CRTAC1: variants seen among roughly 807,000 people sequenced by gnomAD.
CRTAC1 encodes cartilage acidic protein 1.
CRTAC1 carries 37 observed loss-of-function variants against 67.8 expected under a neutral mutation model. The observed-to-expected ratio is 0.55, with a 90% confidence interval of 0.42 to 0.72. The LOEUF (loss-of-function observed/expected upper bound fraction) is 0.72, where lower values mean the gene tolerates loss of function less well. Among genes scored for constraint, CRTAC1 ranks in the 30% least tolerant of loss-of-function variants. The pLI is 0.00. For synonymous variants in CRTAC1, 348 were observed against 371.0 expected (o/e 0.94, Z 0.71); for missense variants, 780 against 931.6 (o/e 0.84, Z 2.12).
intron 2 of CRTAC1, among the ~76,000 whole-genome samples, chr10:97,987,229 T>G (rs1397887962): frequency 6.6e-6 from 1 of 152,244 alleles, no homozygotes; most frequent in Non-Finnish European, 1.5e-5. Flanking sequence ...CCCAGAGACA[T>G]GCCCTGGTTG....
At chr10:97,972,022 C>T (rs572262849) in intron 2 of CRTAC1, among the ~76,000 whole-genome samples, 9 of 152,280 alleles carry the variant, frequency 5.9e-5, no homozygotes, top group African/African-American at 1.9e-4. Context: ...CAGGGTCCCT[C>T]GCCCGGGAAA....
chr10:97,905,455 G>A (rs557626962), intron 6 of CRTAC1, among the ~76,000 whole-genome samples: 17 of 152,270 alleles, frequency 1.1e-4, no homozygotes, highest in East Asian at 3.9e-4. Flanking sequence ...CCCTGACCAC[G>A]CATCTGAGAC....
intron 14 of CRTAC1, among the ~76,000 whole-genome samples, chr10:97,875,052 C>G (rs190149522): frequency 7.3e-4 from 111 of 152,360 alleles, no homozygotes; most frequent in African/African-American, 2.6e-3. Context: ...AGTAGGCGTT[C>G]AGTCACTGTA....
At chr10:97,941,029 C>T (rs1274354634) in intron 2 of CRTAC1, among the ~76,000 whole-genome samples, 2 of 152,136 alleles carry the variant, frequency 1.3e-5, no homozygotes, top group African/African-American at 4.8e-5. Context: ...TCTCCACTTT[C>T]CCGCTGCCTA....
chr10:97,936,238 G>A lies in CRTAC1; in HGVS notation c.353C>T (p.Thr118Ile). ...GCCGTCCCCGTCGATGTCGCAGGCT[G>A]TGACCCCGATGGCGTTCCCCTGCCG... ...RDRQGNAIGV[T>I]ACDIDGDGRE... Residue 118 changes from threonine (T) to isoleucine (I), a missense_variant, in exon 3 of 15, where the codon ACA becomes ATA. Transcript: ENST00000370597. 1.2e-6 allele frequency: 2 copies of A among 1,614,166 alleles called. No homozygotes were observed. Among genetic ancestry groups the A allele is most frequent in the Non-Finnish European group, 1.7e-6 (2 of 1,180,000 alleles).
chr10:97,911,064 C>A (rs1039957048), intron 5 of CRTAC1, among the ~76,000 whole-genome samples: 2 of 152,206 alleles, frequency 1.3e-5, no homozygotes, highest in Non-Finnish European at 2.9e-5. Context: ...ACCTGGGCAC[C>A]ACCTCTGCCC....
At chr10:97,932,536 T>C (rs986564186) in intron 3 of CRTAC1, among the ~76,000 whole-genome samples, 1 of 151,736 alleles carries the variant, frequency 6.6e-6, no homozygotes, top group Non-Finnish European at 1.5e-5. Flanking sequence ...CAGGGGGTAA[T>C]GGGGGTACAA....
rs148947372 is a variant in CRTAC1 at position 97,971,916 on chromosome 10, C to T, written c.225-35550G>A. Reference sequence around the variant, plus strand: ...CTAGTAACTCTGCCCTAAGAGGAAACGCAGGGGAGCTGGACATGGCGTGTC... The same window carrying T: ...CTAGTAACTCTGCCCTAAGAGGAAATGCAGGGGAGCTGGACATGGCGTGTC... On this transcript the variant is annotated intron_variant, in intron 2 of 14. Transcript: ENST00000370597. 5.5e-3 allele frequency among the ~76,000 whole-genome samples: 842 copies of T among 152,214 alleles called. 5 individuals are homozygous for T. The highest frequency in any genetic ancestry group is 8.1e-3 in the Non-Finnish European group (550 of 68,014).
intron 2 of CRTAC1, among the ~76,000 whole-genome samples, chr10:97,996,692 T>C (rs1842577761): frequency 6.6e-6 from 1 of 152,208 alleles, no homozygotes; most frequent in African/African-American, 2.4e-5. Flanking sequence ...CTCAGGGATC[T>C]AGAACTAGAA....
At chr10:97,996,189 T>C (rs1842563784) in intron 2 of CRTAC1, among the ~76,000 whole-genome samples, 4 of 151,798 alleles carry the variant, frequency 2.6e-5, no homozygotes, top group Non-Finnish European at 5.9e-5. Context: ...ACTTCATGTC[T>C]AAAACACCAA....
At chr10:98,004,355 G>A (rs1842744942) in intron 2 of CRTAC1, among the ~76,000 whole-genome samples, 1 of 152,170 alleles carries the variant, frequency 6.6e-6, no homozygotes, top group East Asian at 1.9e-4. Context: ...TCCTTCTTGG[G>A]ATTGTTAAAT....
intron 1 of CRTAC1, among the ~76,000 whole-genome samples, chr10:98,016,581 G>T (rs59954170): frequency 6.6e-6 from 1 of 152,126 alleles, no homozygotes; most frequent in Non-Finnish European, 1.5e-5. Context: ...CTGAACCCTA[G>T]CTGCCCAACA....
At chr10:97,877,380 A>C (rs1172318439) in intron 14 of CRTAC1, among the ~76,000 whole-genome samples, 1 of 152,226 alleles carries the variant, frequency 6.6e-6, no homozygotes, top group Non-Finnish European at 1.5e-5. Flanking sequence ...CCTGGCACAT[A>C]ATAGGTGCTC....
chr10:98,025,194 T>C (rs1050921203), intron 1 of CRTAC1, among the ~76,000 whole-genome samples: 2 of 152,160 alleles, frequency 1.3e-5, no homozygotes, highest in African/African-American at 4.8e-5. Flanking sequence ...GCTGTGATTC[T>C]GTGCTGCAAT....
chr10:97,991,099 C>CCAAAAAA (rs1554932158), intron 2 of CRTAC1, among the ~76,000 whole-genome samples: 24 of 17,976 alleles, frequency 1.3e-3, no homozygotes, highest in African/African-American at 4.5e-3. Context: ...ACCATCTCTA[C>CCAAAAAA]AAAAAAAAAA....
intron 2 of CRTAC1, among the ~76,000 whole-genome samples, chr10:97,941,476 G>T (rs1210424209): frequency 6.6e-6 from 1 of 151,972 alleles, no homozygotes; most frequent in Non-Finnish European, 1.5e-5. Flanking sequence ...GCATATCTCT[G>T]ACTGGCTACC....
At chr10:97,921,557 C>T (rs949115449) in intron 4 of CRTAC1, among the ~76,000 whole-genome samples, 8 of 152,156 alleles carry the variant, frequency 5.3e-5, no homozygotes, top group South Asian at 2.1e-4. Flanking sequence ...TTCAGTAGGA[C>T]GAGGCAGCTA....
At chr10:97,942,530 G>T (rs375162095) in intron 2 of CRTAC1, among the ~76,000 whole-genome samples, 1 of 152,092 alleles carries the variant, frequency 6.6e-6, no homozygotes, top group Non-Finnish European at 1.5e-5. Context: ...ACTTCTTTTC[G>T]CTTAGAATCT....
At chr10:97,986,432 A>G (rs1034515354) in intron 2 of CRTAC1, among the ~76,000 whole-genome samples, 2 of 152,224 alleles carry the variant, frequency 1.3e-5, no homozygotes, top group Non-Finnish European at 2.9e-5. Flanking sequence ...TATCTAGAGC[A>G]GTACTTTCCA....
Sources: allele counts gnomAD v4.1 joint callset (sites outside exome capture counted in the v4.1 genomes callset), GRCh38; gene constraint gnomAD v4.1.1; transcripts MANE v1.5; gene names NCBI Gene and HGNC (gene_info 2026-07-23, HGNC 2026-07-21).